SUPT6H: variants seen among roughly 807,000 people sequenced by gnomAD.
The protein encoded by SUPT6H is transcription elongation factor SPT6.
A neutral mutation model predicts 222.3 loss-of-function variants in SUPT6H; 11 were observed. That is an observed-to-expected ratio of 0.05 (90% CI 0.03 to 0.08). The LOEUF (loss-of-function observed/expected upper bound fraction) is 0.08. SUPT6H is among the 10% of genes least tolerant of loss of function. The probability of loss-of-function intolerance (pLI) is 1.00; values close to 1 mark genes in which losing one functional copy is unlikely to be tolerated. For missense variants in SUPT6H, 1,422 were observed against 2,216.0 expected (o/e 0.64, Z 7.19); for synonymous variants, 762 against 801.2 (o/e 0.95, Z 0.83).
At position 28,701,898 on chromosome 17, in the gene SUPT6H, G is replaced by T; in HGVS notation, c.*273G>T. On this transcript the variant is annotated 3_prime_UTR_variant, in exon 37 of 37. Transcript: ENST00000314616. ...GTGTGGCAGGGAGGAGGAAGAGGAA[G>T]GTGAGAATGAGTAGAACAGTTTTGT... 2.1e-6 allele frequency: 1 copy of T among 480,562 alleles called. No homozygotes were observed. 29.8% of individuals were successfully genotyped at this position (480,562 alleles called of 1,614,324 possible). A position where few individuals can be genotyped will look rare whatever the true frequency, so the allele number is the denominator to read the frequency against.
chr17:28,690,798 C>A, intron 26 of SUPT6H, 123 bp from the exon 27 acceptor site: 1 of 1,113,684 alleles, frequency 9.0e-7, no homozygotes, highest in Non-Finnish European at 1.3e-6. Flanking sequence ...AAATAAAAAT[C>A]GGGAAGAGTT....
At chr17:28,701,151 A>G in intron 36 of SUPT6H, 23 bp downstream of exon 36, 2 of 1,587,614 alleles carry the variant, frequency 1.3e-6, no homozygotes, top group South Asian at 1.1e-5. Context: ...ATGGTGGCAC[A>G]GTGCAGGTCA....
intron 11 of SUPT6H, among the ~76,000 whole-genome samples, chr17:28,679,508 C>T (rs559133493): frequency 6.6e-6 from 1 of 152,220 alleles, no homozygotes; most frequent in Admixed American, 6.5e-5. Context: ...ATGATTATGC[C>T]ACTATACTCC....
chr17:28,681,913 G>A lies in SUPT6H; in HGVS notation c.1530G>A (p.Gln510=), dbSNP rs2031128201. The stretch of plus-strand genomic sequence containing the variant: ...GTGACGAGGCAGAAGATGAGGAGCA[G>A]AGGGGGCCTGAGCTCAAGCAAGCCT... The part of the protein sequence containing the change: ...GEGDEAEDEE[Q]RGPELKQASR... Residue 510 remains glutamine (Q), a synonymous_variant, in exon 13 of 37, where the codon CAG becomes CAA. Transcript: ENST00000314616. The A allele has an allele frequency of 1.2e-6, 2 of 1,610,408 alleles. No individual in the cohort carries two copies. The highest frequency in any genetic ancestry group is 1.7e-5 in the Admixed American group (1 of 59,522).
intron 32 of SUPT6H, among the ~76,000 whole-genome samples, chr17:28,699,163 G>C (rs994493655): frequency 6.6e-6 from 1 of 152,200 alleles, no homozygotes; most frequent in Non-Finnish European, 1.5e-5. Context: ...ATTGTGGAAC[G>C]TGCTCTGTGC....
intron 19 of SUPT6H, 89 bp downstream of exon 19, chr17:28,685,050 C>A: frequency 1.6e-6 from 2 of 1,247,518 alleles, no homozygotes; most frequent in Admixed American, 2.0e-5. Flanking sequence ...TAAGCAACAT[C>A]CTATGCAAGA....
Position 28,687,187 on chromosome 17 carries a change from G to T in SUPT6H, c.2800G>T (p.Asp934Tyr). 1 of 1,614,164 alleles carries T rather than the reference G, an allele frequency of 6.2e-7. No homozygotes were observed. Among genetic ancestry groups the T allele is most frequent in the Non-Finnish European group, 8.5e-7 (1 of 1,180,038 alleles). Residue 934 changes from aspartate to tyrosine, a missense_variant, in exon 22 of 37, where the codon GAT becomes TAT. Coordinates refer to ENST00000314616, the MANE Select transcript of SUPT6H (RefSeq NM_003170.5). ...TGAATTTGCCCAGGTGTGCAGTTCC[G>T]ATGAAGACATCCTGTGTCTCAAGTT... The part of the protein sequence containing the change: ...LIEFAQVCSS[D>Y]EDILCLKFHP...
chr17:28,687,524 G>A, intron 23 of SUPT6H, 53 bp downstream of exon 23: 1 of 1,568,002 alleles, frequency 6.4e-7, no homozygotes, highest in Non-Finnish European at 8.7e-7. Context: ...CATTGAATAT[G>A]AATATATACT....
At chr17:28,673,682 A>G (rs1225820068) in intron 2 of SUPT6H, 172 bp downstream of exon 2, 5 of 592,338 alleles carry the variant, frequency 8.4e-6, no homozygotes, top group Admixed American at 3.0e-5. Context: ...TCTGTATGCC[A>G]GGCACTAGGC....
intron 1 of SUPT6H, among the ~76,000 whole-genome samples, chr17:28,666,795 G>A (rs984991588): frequency 2.0e-5 from 3 of 152,152 alleles, no homozygotes; most frequent in Non-Finnish European, 4.4e-5. Flanking sequence ...GACCTGAAGT[G>A]ATCAGCCTGC....
In SUPT6H at chr17:28,684,725, G is replaced by C; in HGVS notation, c.2369G>C (p.Arg790Thr). The C allele has an allele frequency of 6.2e-7, 1 of 1,614,158 alleles. No individual in the cohort carries two copies. The highest frequency in any genetic ancestry group is 8.5e-7 in the Non-Finnish European group (1 of 1,180,016). Residue 790 changes from arginine to threonine, a missense_variant and splice_region_variant, in exon 18 of 37, where the codon AGA becomes ACA. This residue lies in a region of SUPT6H where 294 missense variants were observed against 382.1 expected (regional missense o/e 0.77). Transcript: ENST00000314616. Reference sequence around the variant, plus strand: ...CTCGGCATTGCTTTCTCCTCTGCCAGGTAACAGCCTATTTTTGCCTCCCCA... The same window carrying C: ...CTCGGCATTGCTTTCTCCTCTGCCACGTAACAGCCTATTTTTGCCTCCCCA... ...RVLGIAFSSARDHPVFCALVN... is the reference protein window; with the variant it reads ...RVLGIAFSSATDHPVFCALVN...
intron 35 of SUPT6H, 182 bp downstream of exon 35, chr17:28,700,694 C>T (rs575698550): frequency 1.0e-6 from 1 of 990,014 alleles, no homozygotes; most frequent in Non-Finnish European, 1.5e-6. Flanking sequence ...AGGGCATAAC[C>T]TTTCCACGGG....
Position 28,688,253 on chromosome 17 carries a change from TC to T in SUPT6H, c.3134+38del. ...TCTGCCTGGATGGGGCAGGAGGAAT[TC>T]CCTTGTGGGCTTTGTTTTCGGGTTT... On this transcript the variant is annotated intron_variant, in intron 24 of 36. Coordinates refer to ENST00000314616, the MANE Select transcript of SUPT6H (RefSeq NM_003170.5). This position sits in a 1 kb window ranked among gnomAD's most constrained non-coding sequence, Gnocchi z 4.3. The T allele has an allele frequency of 6.2e-7, 1 of 1,601,468 alleles. No individual in the cohort carries two copies. The highest frequency in any genetic ancestry group is 1.1e-5 in the South Asian group (1 of 89,860).
At chr17:28,697,141 C>T in intron 30 of SUPT6H, 59 bp downstream of exon 30, 2 of 1,510,056 alleles carry the variant, frequency 1.3e-6, no homozygotes, top group South Asian at 1.1e-5. Flanking sequence ...AGGTGCCCTT[C>T]AGGGTGCTTT....
At chr17:28,674,699 C>T in intron 4 of SUPT6H, 86 bp downstream of exon 4, 2 of 1,302,420 alleles carry the variant, frequency 1.5e-6, no homozygotes, top group Non-Finnish European at 2.2e-6. Flanking sequence ...GAGGCACACG[C>T]AGGACAGTTT....
intron 33 of SUPT6H, 35 bp from the exon 34 acceptor site, chr17:28,700,138 C>T: frequency 1.2e-6 from 2 of 1,613,960 alleles, no homozygotes; most frequent in Non-Finnish European, 1.7e-6. Flanking sequence ...AAATAGGTTT[C>T]TGGAGGGATG....
At chr17:28,678,313 G>GT (rs2030881563) in intron 9 of SUPT6H, 121 bp downstream of exon 9, 3 of 941,756 alleles carry the variant, frequency 3.2e-6, no homozygotes, top group African/African-American at 3.3e-5. Flanking sequence ...GACTCAACAA[G>GT]TGTTAGGACC....
intron 12 of SUPT6H, 120 bp downstream of exon 12, chr17:28,681,524 C>G: frequency 7.9e-7 from 1 of 1,266,776 alleles, no homozygotes; most frequent in Non-Finnish European, 1.1e-6. Flanking sequence ...GAGTTCGAGA[C>G]CAGCCTGGCC....
intron 1 of SUPT6H, among the ~76,000 whole-genome samples, chr17:28,669,608 A>G (rs2030294394): frequency 6.6e-6 from 1 of 152,146 alleles, no homozygotes; most frequent in African/African-American, 2.4e-5. Flanking sequence ...GTTCGAAACC[A>G]GCCTGGCTAA....
Sources: gnomAD v4.1 joint callset for allele counts (sites outside exome capture counted in the v4.1 genomes callset) on GRCh38, gnomAD v4.1.1 for gene constraint, gnomAD v4.1.1 regional missense constraint, Gnocchi (gnomAD v3.1) non-coding constraint, MANE v1.5 for transcripts, NCBI Gene and HGNC (gene_info 2026-07-23, HGNC 2026-07-21) for gene names.